DCC: variants seen among roughly 807,000 people sequenced by gnomAD.
The protein encoded by DCC is DCC netrin 1 receptor, also known as netrin receptor DCC.
Under a neutral mutation model 172.5 loss-of-function variants are expected in DCC, and 58 were observed. The ratio of observed to expected loss-of-function variants is 0.34; its 90% confidence interval spans 0.27 to 0.42. The LOEUF is 0.42. Among genes scored for constraint, DCC ranks in the 10% least tolerant of loss-of-function variants. The pLI, the probability that DCC is intolerant of heterozygous loss-of-function variation, is 1.00. For missense variants in DCC, 1,740 were observed against 1,791.0 expected, an observed-to-expected ratio of 0.97 and a Z score of 0.51; for synonymous variants, 709 against 644.5, an observed-to-expected ratio of 1.10 and a Z score of -1.52.
chr18:52,523,838 T>A (rs2144671043), intron 1 of DCC, among the ~76,000 whole-genome samples: 1 of 152,340 alleles, frequency 6.6e-6, no homozygotes, highest in Middle Eastern at 3.4e-3. Context: ...CTTGGGATTA[T>A]CATTTAGTTA....
chr18:52,946,836 C>G (rs1479751999), intron 5 of DCC, among the ~76,000 whole-genome samples: 1 of 152,104 alleles, frequency 6.6e-6, no homozygotes, highest in African/African-American at 2.4e-5. Context: ...TAGGGTAAGG[C>G]AGGTGAGGTG....
intron 14 of DCC, among the ~76,000 whole-genome samples, chr18:53,322,953 T>C (rs1232116430): frequency 3.3e-5 from 5 of 152,044 alleles, no homozygotes; most frequent in Non-Finnish European, 5.9e-5. Context: ...TATTCTTAAA[T>C]CTAAGTAATC....
At chr18:52,369,240 G>GT (rs561599819) in intron 1 of DCC, among the ~76,000 whole-genome samples, 11 of 150,028 alleles carry the variant, frequency 7.3e-5, no homozygotes, top group South Asian at 2.2e-4. Flanking sequence ...TTCTTTGTGG[G>GT]TTTTTTTTCT....
At chr18:53,463,019 A>C (rs2045578613) in intron 24 of DCC, among the ~76,000 whole-genome samples, 1 of 152,244 alleles carries the variant, frequency 6.6e-6, no homozygotes, top group Non-Finnish European at 1.5e-5. Flanking sequence ...CCACTGCCTA[A>C]ACAGGCTTTC....
intron 15 of DCC, among the ~76,000 whole-genome samples, chr18:53,358,390 T>C (rs2057902903): frequency 6.6e-6 from 1 of 152,070 alleles, no homozygotes; most frequent in Non-Finnish European, 1.5e-5. Flanking sequence ...TTGTAATAGA[T>C]AGTAGGCTTA....
chr18:53,526,005 T>TACTC (rs1482750679), intron 27 of DCC, among the ~76,000 whole-genome samples: 2 of 152,276 alleles, frequency 1.3e-5, no homozygotes, highest in East Asian at 3.9e-4. Context: ...ATCTATTTGA[T>TACTC]ACTCAGCAGT....
Position 53,526,732 on chromosome 18 carries a change from C to T in DCC, c.4227C>T (p.Ser1409=). The change falls in exon 28 of 29, where the codon AGC becomes AGT. Residue 1409 remains serine (S), a synonymous_variant. Transcript: ENST00000442544. Reference sequence around the variant, plus strand: ...CAGCCCCTGAAGTGTCTGAGGAGAGCCACAAACCAACAGAGGATTCAGCCA... The same window carrying T: ...CAGCCCCTGAAGTGTCTGAGGAGAGTCACAAACCAACAGAGGATTCAGCCA... ...VPTAPEVSEE[S]HKPTEDSANV... The T allele has an allele frequency of 6.2e-7, 1 of 1,613,408 alleles. No individual in the cohort carries two copies.
At chr18:53,506,583 T>C (rs1489161250) in intron 27 of DCC, among the ~76,000 whole-genome samples, 1 of 151,820 alleles carries the variant, frequency 6.6e-6, no homozygotes, top group Non-Finnish European at 1.5e-5. Context: ...GGCGGCCAGG[T>C]GTGGTGGCTC....
chr18:52,822,606 A>G (rs2038426515), intron 2 of DCC, among the ~76,000 whole-genome samples: 1 of 152,230 alleles, frequency 6.6e-6, no homozygotes, highest in Admixed American at 6.5e-5. Flanking sequence ...ATGTTGAGAG[A>G]ATGTCAAGCT....
chr18:53,128,385 G>A (rs184789377), intron 7 of DCC, among the ~76,000 whole-genome samples: 1 of 152,018 alleles, frequency 6.6e-6, no homozygotes, highest in African/African-American at 2.4e-5. Flanking sequence ...GCTTCAAAGC[G>A]TATTTTTCCT....
intron 9 of DCC, among the ~76,000 whole-genome samples, chr18:53,197,384 C>T (rs188719718): frequency 6.7e-6 from 1 of 148,548 alleles, no homozygotes; most frequent in Non-Finnish European, 1.5e-5. Flanking sequence ...AATGACAACA[C>T]GTGACAGTTT....
intron 4 of DCC, 30 bp downstream of exon 4, chr18:52,923,887 G>C: frequency 6.4e-7 from 1 of 1,555,782 alleles, no homozygotes; most frequent in African/African-American, 1.4e-5. Flanking sequence ...TTTTTGTAAA[G>C]TGTACTTTTG....
chr18:52,594,851 C>T (rs2033873836), intron 1 of DCC, among the ~76,000 whole-genome samples: 1 of 152,202 alleles, frequency 6.6e-6, no homozygotes, highest in South Asian at 2.1e-4. Context: ...CATGAGAGAT[C>T]TGCCCCCATA....
intron 5 of DCC, among the ~76,000 whole-genome samples, chr18:52,942,074 C>T (rs887305251): frequency 2.6e-5 from 4 of 152,168 alleles, no homozygotes; most frequent in South Asian, 2.1e-4. Flanking sequence ...TGAGCCACTG[C>T]GCCTGGCCCA....
At chr18:52,600,693 T>A (rs1292726834) in intron 1 of DCC, among the ~76,000 whole-genome samples, 2 of 149,642 alleles carry the variant, frequency 1.3e-5, no homozygotes, top group African/African-American at 5.0e-5. Context: ...AGCTTTGTAA[T>A]TTTCTCCTTA....
intron 1 of DCC, among the ~76,000 whole-genome samples, chr18:52,581,851 G>A (rs1172710449): frequency 6.6e-6 from 1 of 152,098 alleles, no homozygotes; most frequent in Non-Finnish European, 1.5e-5. Context: ...TGACAGGGTA[G>A]GTGCCTTTGC....
intron 5 of DCC, among the ~76,000 whole-genome samples, chr18:52,985,614 A>C (rs2145611819): frequency 6.6e-6 from 1 of 152,188 alleles, no homozygotes; most frequent in African/African-American, 2.4e-5. Flanking sequence ...GTCACAGGGT[A>C]TCTTTTAACT....
At chr18:52,778,331 T>G (rs2037471336) in intron 2 of DCC, among the ~76,000 whole-genome samples, 1 of 152,220 alleles carries the variant, frequency 6.6e-6, no homozygotes, top group Admixed American at 6.5e-5. Context: ...GGGAATGTCT[T>G]TTAATGAATC....
intron 1 of DCC, among the ~76,000 whole-genome samples, chr18:52,703,923 T>C (rs2036166310): frequency 6.6e-6 from 1 of 152,134 alleles, no homozygotes; most frequent in Admixed American, 6.5e-5. Flanking sequence ...ATCCAGGGGA[T>C]CTGATTTTGT....
Sources: allele counts gnomAD v4.1 joint callset (sites outside exome capture counted in the v4.1 genomes callset), GRCh38; gene constraint gnomAD v4.1.1; transcripts MANE v1.5; gene names NCBI Gene and HGNC (gene_info 2026-07-23, HGNC 2026-07-21).